The following MYO6 variants were observed in gnomAD, a reference collection of about 807,000 sequenced individuals.
MYO6 encodes myosin VI, also known as unconventional myosin-VI.
In MYO6, 74 loss-of-function variants were observed where a neutral mutation model predicts 178.7. The ratio of observed to expected loss-of-function variants is 0.41; its 90% CI spans 0.34 to 0.50. The LOEUF is 0.50. MYO6 is among the 20% of genes least tolerant of loss of function. MYO6 has a pLI of 0.09. For synonymous variants in MYO6, 477 were observed against 504.6 expected (o/e 0.95, Z 0.73); for missense variants, 1,330 against 1,547.4 (o/e 0.86, Z 2.36).
At chr6:75,778,766 A>C (rs887009817) in intron 1 of MYO6, among the ~76,000 whole-genome samples, 12 of 151,826 alleles carry the variant, frequency 7.9e-5, no homozygotes. Flanking sequence ...TACTTAAAAA[A>C]AAAATGGAGG....
chr6:75,875,417 G>A (rs1412078560), intron 20 of MYO6, among the ~76,000 whole-genome samples: 1 of 152,070 alleles, frequency 6.6e-6, no homozygotes. Context: ...TGGAACTAGA[G>A]GCATGTGCCA....
intron 1 of MYO6, among the ~76,000 whole-genome samples, chr6:75,779,645 G>C (rs1583047706): frequency 6.6e-6 from 1 of 152,036 alleles, no homozygotes; most frequent in Non-Finnish European, 1.5e-5. Context: ...TATATATTGT[G>C]TTCATTAACC....
intron 32 of MYO6, among the ~76,000 whole-genome samples, chr6:75,909,494 G>C (rs1171356138): frequency 1.3e-5 from 2 of 152,064 alleles, no homozygotes; most frequent in East Asian, 3.8e-4. Context: ...TTTTTGATTG[G>C]GATCCTGAAC....
chr6:75,870,765 A>T, intron 19 of MYO6, 80 bp downstream of exon 19: 1 of 1,095,520 alleles, frequency 9.1e-7, no homozygotes, highest in Non-Finnish European at 1.3e-6. Context: ...AGGCATAGTA[A>T]CCCTGTACTA....
intron 18 of MYO6, among the ~76,000 whole-genome samples, chr6:75,868,800 A>G (rs895568029): frequency 4.6e-5 from 7 of 152,142 alleles, no homozygotes; most frequent in African/African-American, 1.7e-4. Context: ...GAAATTTTCT[A>G]TTGGAAAGTG....
intron 1 of MYO6, among the ~76,000 whole-genome samples, chr6:75,813,840 G>A (rs1167114923): frequency 1.3e-5 from 2 of 152,166 alleles, no homozygotes; most frequent in Non-Finnish European, 2.9e-5. Flanking sequence ...AGGAGCTAGG[G>A]CCTGGAATGG....
chr6:75,904,714 T>A (rs902425986), intron 30 of MYO6, among the ~76,000 whole-genome samples: 2 of 152,344 alleles, frequency 1.3e-5, no homozygotes, highest in African/African-American at 4.8e-5. Context: ...GTCTGAAGCC[T>A]TCTTCTCTCA....
chr6:75,886,090 C>A lies in MYO6; in HGVS notation c.2503C>A (p.Pro835Thr). ...GTGGCTTTGCAAGAGGAGACACAAACCTCGGTAAGATGAATAGTTCCTAAA... is the reference window on the plus strand; with the variant it reads ...GTGGCTTTGCAAGAGGAGACACAAAACTCGGTAAGATGAATAGTTCCTAAA... ...RMWLCKRRHKPRIDGLVKVGT... is the reference protein window; with the variant it reads ...RMWLCKRRHKTRIDGLVKVGT... Residue 835 changes from proline (P) to threonine (T), a missense_variant, in exon 24 of 35, where the codon CCT becomes ACT. By Grantham distance (38) the Pro-to-Thr change is conservative. Around this residue, in one of 3 missense-constraint regions of MYO6, gnomAD observed 601 missense variants for 626.1 expected, o/e 0.96. Coordinates refer to ENST00000369977, the MANE Select transcript of MYO6 (RefSeq NM_004999.4). The A allele has an allele frequency of 6.2e-7, 1 of 1,603,440 alleles. No homozygotes were observed. The highest frequency in any genetic ancestry group is 8.5e-7 in the Non-Finnish European group (1 of 1,170,890).
At chr6:75,896,643 A>G (rs1024305493) in intron 29 of MYO6, among the ~76,000 whole-genome samples, 20 of 152,216 alleles carry the variant, frequency 1.3e-4, no homozygotes, top group African/African-American at 4.3e-4. Context: ...TCACCTCTGT[A>G]TGTCTCACAG....
intron 1 of MYO6, among the ~76,000 whole-genome samples, chr6:75,792,443 C>T (rs1451026703): frequency 1.3e-5 from 2 of 152,230 alleles, no homozygotes; most frequent in East Asian, 1.9e-4. Context: ...GCCATGGAAA[C>T]TAAAGATCCC....
At chr6:75,754,965 C>T (rs916392751) in intron 1 of MYO6, among the ~76,000 whole-genome samples, 10 of 152,192 alleles carry the variant, frequency 6.6e-5, no homozygotes, top group Non-Finnish European at 1.0e-4. Context: ...TGTGGTGGCT[C>T]ATGCCGGTAA....
intron 4 of MYO6, 92 bp from the exon 5 acceptor site, chr6:75,830,324 A>G (rs959076147): frequency 5.8e-5 from 73 of 1,256,208 alleles, no homozygotes; most frequent in Non-Finnish European, 8.0e-5. Context: ...GATAATTGAA[A>G]TTTTTTGTAT....
intron 20 of MYO6, among the ~76,000 whole-genome samples, chr6:75,875,271 T>TA (rs1445203555): frequency 1.3e-5 from 2 of 152,328 alleles, no homozygotes; most frequent in East Asian, 3.9e-4. Context: ...TTTGTTTAAT[T>TA]AAAAATTTTT....
At chr6:75,777,872 G>C (rs997868881) in intron 1 of MYO6, among the ~76,000 whole-genome samples, 9 of 152,122 alleles carry the variant, frequency 5.9e-5, no homozygotes, top group Middle Eastern at 3.2e-3. Context: ...AAGACCGTGG[G>C]AGACAGTTTC....
chr6:75,769,919 T>C (rs1765703201), intron 1 of MYO6, among the ~76,000 whole-genome samples: 1 of 151,364 alleles, frequency 6.6e-6, no homozygotes, highest in African/African-American at 2.4e-5. Context: ...AAAAAAAGAA[T>C]AGAGTTGAGT....
chr6:75,781,383 T>A (rs1766963582), intron 1 of MYO6, among the ~76,000 whole-genome samples: 1 of 152,014 alleles, frequency 6.6e-6, no homozygotes, highest in African/African-American at 2.4e-5. Context: ...GAGTACAAAT[T>A]GTGTGCATGG....
intron 1 of MYO6, among the ~76,000 whole-genome samples, chr6:75,750,352 C>T (rs1414616769): frequency 2.6e-5 from 4 of 152,058 alleles, no homozygotes; most frequent in South Asian, 4.2e-4. Flanking sequence ...GCCTCGGTCT[C>T]CCAAAGTGCT....
At chr6:75,785,996 A>T (rs1464327144) in intron 1 of MYO6, among the ~76,000 whole-genome samples, 1 of 151,712 alleles carries the variant, frequency 6.6e-6, no homozygotes, top group Non-Finnish European at 1.5e-5. Context: ...GCTCACTGCA[A>T]CCTCTGCCTC....
At position 75,784,802 on chromosome 6, in the gene MYO6, A is replaced by AAG. The variant is rs1554195428; in HGVS notation, c.-47-32696_-47-32695dup. 5.6e-3 allele frequency among the ~76,000 whole-genome samples: 824 copies of AAG among 147,088 alleles called. 28 individuals are homozygous for AAG. Among genetic ancestry groups the AAG allele is most frequent in the African/African-American group, 0.02 (776 of 38,272 alleles). ...AAAAAAAAAAAAAAAAAAAAAAAAA[A>AAG]AGAGGGTGGAGCTGAGGAATAAAGT... On this transcript the variant is annotated intron_variant, in intron 1 of 34. Transcript: ENST00000369977.
Sources: gnomAD v4.1 joint callset for allele counts (sites outside exome capture counted in the v4.1 genomes callset) on GRCh38, gnomAD v4.1.1 for gene constraint, gnomAD v4.1.1 regional missense constraint, MANE v1.5 for transcripts, NCBI Gene and HGNC (gene_info 2026-07-23, HGNC 2026-07-21) for gene names.